MAPK6: variants seen among roughly 807,000 people sequenced by gnomAD.
MAPK6 encodes the protein ERK-3.
In MAPK6, 19 loss-of-function variants were observed where a neutral mutation model predicts 59.3. That is an observed-to-expected ratio of 0.32 (90% CI 0.22 to 0.47). The LOEUF (loss-of-function observed/expected upper bound fraction) is 0.47. Among genes scored for constraint, MAPK6 ranks in the 20% least tolerant of loss-of-function variants. The probability of loss-of-function intolerance (pLI) is 1.00; values close to 1 mark genes in which losing one functional copy is unlikely to be tolerated. For missense variants in MAPK6, 724 were observed against 847.9 expected (o/e 0.85, Z 1.81); for synonymous variants, 316 against 290.3 (o/e 1.09, Z -0.90).
chr15:52,026,737 G>T (rs1031114385), intron 1 of MAPK6, among the ~76,000 whole-genome samples: 2 of 152,034 alleles, frequency 1.3e-5, no homozygotes, highest in African/African-American at 4.8e-5. Context: ...TGAGATGAGA[G>T]AAATAATTTG....
At chr15:51,978,125 G>T (rs2057162313) in intron 1 of MAPK6, among the ~76,000 whole-genome samples, 1 of 146,248 alleles carries the variant, frequency 6.8e-6, no homozygotes, top group Admixed American at 7.2e-5. Context: ...AGGAATTACT[G>T]ATGACAGTTT....
chr15:52,048,885 G>A (rs928306280), intron 2 of MAPK6, among the ~76,000 whole-genome samples: 3 of 151,038 alleles, frequency 2.0e-5, no homozygotes, highest in Admixed American at 6.6e-5. Flanking sequence ...TTACACTGAC[G>A]ACGTCCACAG....
At chr15:52,060,571 A>G (rs1566914350) in intron 4 of MAPK6, among the ~76,000 whole-genome samples, 1 of 152,152 alleles carries the variant, frequency 6.6e-6, no homozygotes, top group Non-Finnish European at 1.5e-5. Context: ...GTGGTGATCC[A>G]GGGTTGAAGG....
At chr15:52,011,453 G>A (rs1301415313) in intron 3 of MAPK6, 1 of 152,212 alleles carries the variant, frequency 6.6e-6, no homozygotes, top group Non-Finnish European at 1.5e-5. Flanking sequence ...AAGCACAGAA[G>A]GCTGTGAAGT....
rs1223371225 is a variant in MAPK6 at position 52,064,149 on chromosome 15, G to C, written c.1315G>C (p.Glu439Gln). The C allele has an allele frequency of 1.4e-5, 22 of 1,613,154 alleles. No homozygotes were observed. Among genetic ancestry groups the C allele is most frequent in the Non-Finnish European group, 1.7e-5 (20 of 1,179,638 alleles). The change falls in exon 6 of 6, where the codon GAG becomes CAG. Residue 439 changes from glutamate (E) to glutamine (Q), a missense_variant. By Grantham distance (29) the Glu-to-Gln change is conservative (BLOSUM62 2). Transcript: ENST00000261845. ...DHHENKYCDL[E>Q]CSHTCNYKTR... is the part of the protein sequence containing the mutation. ...TCATGAAAACAAATATTGTGATCTGGAGTGTAGCCATACTTGTAACTACAA... is the reference window on the plus strand; with the variant it reads ...TCATGAAAACAAATATTGTGATCTGCAGTGTAGCCATACTTGTAACTACAA...
chr15:52,010,634 T>G (rs962886610), intron 3 of MAPK6, among the ~76,000 whole-genome samples: 1 of 150,374 alleles, frequency 6.7e-6, no homozygotes, highest in African/African-American at 2.4e-5. Context: ...TTCTCCTGCC[T>G]CAGCCTCCTG....
intron 2 of MAPK6, among the ~76,000 whole-genome samples, chr15:52,000,880 G>T (rs1413881412): frequency 6.6e-6 from 1 of 151,952 alleles, no homozygotes; most frequent in Non-Finnish European, 1.5e-5. Context: ...GTGAAGTTTG[G>T]GCTTTTAGTG....
intron 2 of MAPK6, among the ~76,000 whole-genome samples, chr15:52,049,773 C>T (rs533850528): frequency 6.6e-6 from 1 of 152,134 alleles, no homozygotes; most frequent in South Asian, 2.1e-4. Flanking sequence ...CACCACCACA[C>T]CTGGCTAATT....
chr15:52,059,832 A>C (rs1019363814), intron 4 of MAPK6, among the ~76,000 whole-genome samples: 13 of 152,192 alleles, frequency 8.5e-5, no homozygotes, highest in African/African-American at 3.1e-4. Flanking sequence ...AAGATTTATC[A>C]ATTGTATGCT....
At chr15:52,023,610 G>A (rs769358738) in intron 1 of MAPK6, among the ~76,000 whole-genome samples, 7 of 152,080 alleles carry the variant, frequency 4.6e-5, no homozygotes, top group Non-Finnish European at 1.0e-4. Context: ...GAGTTTTTTT[G>A]TTTGTTTGTT....
chr15:52,020,200 G>T (rs148558488), intron 1 of MAPK6, among the ~76,000 whole-genome samples: 236 of 152,304 alleles, frequency 1.5e-3, no homozygotes, highest in African/African-American at 5.4e-3. Context: ...ATTTTAGTCC[G>T]CCTTGTGAGT....
At chr15:51,981,827 G>A (rs2057174496) in intron 1 of MAPK6, among the ~76,000 whole-genome samples, 1 of 151,936 alleles carries the variant, frequency 6.6e-6, no homozygotes, top group Non-Finnish European at 1.5e-5. Context: ...TGTTAGTGGA[G>A]GAAGCTGAAT....
intron 2 of MAPK6, among the ~76,000 whole-genome samples, chr15:52,000,799 C>CAA (rs573980691): frequency 1.5e-5 from 2 of 133,298 alleles, no homozygotes; most frequent in South Asian, 2.3e-4. Flanking sequence ...GACTCCATTT[C>CAA]AAAAAAAAAA....
chr15:52,046,752 C>G lies in MAPK6; in HGVS notation c.292C>G (p.Leu98Val). The G allele has an allele frequency of 1.2e-6, 2 of 1,614,176 alleles. No individual in the cohort carries two copies. The highest frequency in any genetic ancestry group is 1.7e-6 in the Non-Finnish European group (2 of 1,180,020). Reference sequence around the variant, plus strand: ...CCAATTAACAGACGATGTGGGCTCTCTTACGGAACTGAACAGTGTTTACAT... The same window carrying G: ...CCAATTAACAGACGATGTGGGCTCTGTTACGGAACTGAACAGTGTTTACAT... ...GSQLTDDVGS[L>V]TELNSVYIVQ... Residue 98 changes from leucine (L) to valine (V), a missense_variant, in exon 2 of 6, where the codon CTT becomes GTT. This residue lies in a region of MAPK6 where 87 missense variants were observed against 93.0 expected (regional missense o/e 0.93). Coordinates refer to ENST00000261845, the MANE Select transcript of MAPK6 (RefSeq NM_002748.4).
chr15:51,998,753 C>T lies in MAPK6; in HGVS notation c.-769-5512C>T, dbSNP rs536510598. Among the ~76,000 whole-genome samples the T allele has an allele frequency of 1.1e-4, 14 of 124,972 alleles. No individual in the cohort carries two copies. The East Asian group carries it at 2.6e-3, about 23-fold the overall frequency. 82.0% of individuals were successfully genotyped at this position (124,972 alleles called of 152,430 possible). A position where few individuals can be genotyped will look rare whatever the true frequency, so the allele number is the denominator to read the frequency against. On this transcript the variant is annotated intron_variant, in intron 2 of 7. Transcript: ENST00000691380. Reference sequence around the variant, plus strand: ...CCGCCCAGGCTGGAGTGCAGTGGCGCAATCTCGGCCCACTGCAAGCTCCGC... The same window carrying T: ...CCGCCCAGGCTGGAGTGCAGTGGCGTAATCTCGGCCCACTGCAAGCTCCGC...
intron 1 of MAPK6, among the ~76,000 whole-genome samples, chr15:52,030,247 G>C (rs2030974828): frequency 6.6e-6 from 1 of 152,178 alleles, no homozygotes; most frequent in Admixed American, 6.5e-5. Flanking sequence ...ATCTGAATTT[G>C]TTAATTAGCT....
chr15:52,065,048 G>A lies in MAPK6; in HGVS notation c.*48G>A. 1 of 1,498,546 alleles carries A rather than the reference G, an allele frequency of 6.7e-7. No homozygotes were observed. The highest frequency in any genetic ancestry group is 8.9e-7 in the Non-Finnish European group (1 of 1,120,740). 92.8% of individuals were successfully genotyped at this position (1,498,546 alleles called of 1,614,324 possible). A position where few individuals can be genotyped will look rare whatever the true frequency, so the allele number is the denominator to read the frequency against. On this transcript the variant is annotated 3_prime_UTR_variant, in exon 6 of 6. Transcript: ENST00000261845. ...TTGTATTCTTCATGAAATGTGTTTT[G>A]TCTTTTTTTATTACTAGTGTTTAAG...
chr15:52,054,326 C>T (rs2031887108), intron 3 of MAPK6, among the ~76,000 whole-genome samples: 1 of 150,052 alleles, frequency 6.7e-6, no homozygotes, highest in Non-Finnish European at 1.5e-5. Context: ...CGAGATCTTG[C>T]CACTGCACTC....
intron 1 of MAPK6, chr15:52,034,019 C>T (rs1271567133): frequency 6.6e-6 from 1 of 150,824 alleles, no homozygotes; most frequent in Non-Finnish European, 1.5e-5. Flanking sequence ...GAGTTTTGCT[C>T]TTGTTGCCCA....
Sources: allele counts gnomAD v4.1 joint callset (sites outside exome capture counted in the v4.1 genomes callset), GRCh38; gene constraint gnomAD v4.1.1; regional missense constraint gnomAD v4.1.1; transcripts MANE v1.5; gene names NCBI Gene and HGNC (gene_info 2026-07-23, HGNC 2026-07-21).